The following APOL5 variants were observed in gnomAD, a reference collection of about 807,000 sequenced individuals.
APOL5 encodes the protein apolipoprotein L5.
In APOL5, 29 loss-of-function variants were observed where a neutral mutation model predicts 35.5. The ratio of observed to expected loss-of-function variants is 0.82; its 90% CI spans 0.61 to 1.11. The LOEUF is 1.11. APOL5 is among the 50% of genes most tolerant of loss of function. The pLI, the probability that APOL5 is intolerant of heterozygous loss-of-function variation, is 0.00. For missense variants in APOL5, 514 were observed against 530.4 expected, an observed-to-expected ratio of 0.97 and a Z score of 0.30; for synonymous variants, 188 against 200.2, an observed-to-expected ratio of 0.94 and a Z score of 0.51.
intron 2 of APOL5, among the ~76,000 whole-genome samples, chr22:35,722,752 A>G (rs1443421901): frequency 6.6e-6 from 1 of 152,172 alleles, no homozygotes; most frequent in African/African-American, 2.4e-5. Context: ...TGTTGTGCCT[A>G]GAGGGCACCC....
chr22:35,725,414 C>A (rs1198499482), intron 2 of APOL5, among the ~76,000 whole-genome samples: 1 of 152,074 alleles, frequency 6.6e-6, no homozygotes, highest in Non-Finnish European at 1.5e-5. Flanking sequence ...TACACCACAC[C>A]CGGCTAACTT....
chr22:35,717,766 AAG>A (rs34465122), upstream of APOL5: 22 of 434,346 alleles, frequency 5.1e-5, no homozygotes, highest in Admixed American at 1.0e-4. Context: ...AAGAAAAGAA[AAG>A]AAAAAAAAAT....
chr22:35,724,891 G>A (rs555988584), intron 2 of APOL5, among the ~76,000 whole-genome samples: 5 of 152,274 alleles, frequency 3.3e-5, no homozygotes, highest in African/African-American at 7.2e-5. Context: ...GATTACAGGC[G>A]TGAGCCACCG....
At chr22:35,724,631 C>T (rs1230557202) in intron 2 of APOL5, among the ~76,000 whole-genome samples, 1 of 151,808 alleles carries the variant, frequency 6.6e-6, no homozygotes, top group African/African-American at 2.4e-5. Flanking sequence ...TTTTTTGAGA[C>T]GGAGTTTCAC....
At chr22:35,717,235 A>AAATATATAT, upstream of APOL5, among the ~76,000 whole-genome samples, 70 of 57,660 alleles carry the variant, frequency 1.2e-3, 1 homozygote, top group Middle Eastern at 0.011. Context: ...AAAAAAAAAA[A>AAATATATAT]ATATATATAT....
At chr22:35,720,891 GCC>G (rs1926950967) in intron 2 of APOL5, among the ~76,000 whole-genome samples, 1 of 152,032 alleles carries the variant, frequency 6.6e-6, no homozygotes, top group Admixed American at 6.6e-5. Flanking sequence ...GATTACAGGC[GCC>G]CGCCACCACG....
At chr22:35,721,544 T>A (rs199806903) in intron 2 of APOL5, among the ~76,000 whole-genome samples, 3 of 148,932 alleles carry the variant, frequency 2.0e-5, no homozygotes, top group Admixed American at 6.7e-5. Flanking sequence ...GGGCTTCATT[T>A]AAAAAAAAAA....
chr22:35,712,156 C>A, the APOL5 span, among the ~76,000 whole-genome samples: 1 of 151,980 alleles, frequency 6.6e-6, no homozygotes, highest in East Asian at 1.9e-4. Context: ...CAGGCATGTG[C>A]ATCATACCTG....
intron 3 of APOL5, 150 bp from the exon 4 acceptor site, chr22:35,728,573 T>G: frequency 1.2e-6 from 1 of 859,756 alleles, no homozygotes; most frequent in Non-Finnish European, 1.7e-6. Flanking sequence ...TGCCGCCAAG[T>G]TTGGGACCCA....
intron 4 of APOL5, 62 bp downstream of exon 4, chr22:35,728,966 T>C: frequency 6.8e-7 from 1 of 1,476,488 alleles, no homozygotes; most frequent in Middle Eastern, 2.2e-4. Flanking sequence ...TAACCCCTCC[T>C]TGGGTGGGTG....
At chr22:35,711,841 A>C in the APOL5 span, among the ~76,000 whole-genome samples, 1 of 151,268 alleles carries the variant, frequency 6.6e-6, no homozygotes, top group Admixed American at 6.6e-5. Flanking sequence ...ACACCTGGTT[A>C]ATTTTTGTAT....
chr22:35,720,353 T>G (rs1658480918), intron 1 of APOL5, among the ~76,000 whole-genome samples: 1 of 152,254 alleles, frequency 6.6e-6, no homozygotes, highest in Non-Finnish European at 1.5e-5. Context: ...TATTGCATCC[T>G]AGTCAACCTT....
chr22:35,720,675 G>A (rs1288134767), intron 2 of APOL5, 21 bp downstream of exon 2: 4 of 1,538,638 alleles, frequency 2.6e-6, no homozygotes, highest in Non-Finnish European at 3.6e-6. Flanking sequence ...AGAACAGGCT[G>A]TTATGCTTAT....
At chr22:35,708,809 C>T in the APOL5 span, among the ~76,000 whole-genome samples, 1 of 152,162 alleles carries the variant, frequency 6.6e-6, no homozygotes, top group Non-Finnish European at 1.5e-5. Flanking sequence ...AAAACTGCCT[C>T]AGCTCATCTG....
chr22:35,717,807 G>T, upstream of APOL5: 1 of 1,140,354 alleles, frequency 8.8e-7, no homozygotes, highest in Non-Finnish European at 1.2e-6. Flanking sequence ...ACAGGTTTCA[G>T]GCATGGAGAA....
In APOL5 at chr22:35,726,492, A is replaced by G; in HGVS notation, c.424A>G (p.Ser142Gly). Reference sequence around the variant, plus strand: ...GCTTACCAAGACCAGCCTGGTGGCCAGCTCTTCCGGGGCTGTTTCTGGGGT... The same window carrying G: ...GCTTACCAAGACCAGCCTGGTGGCCGGCTCTTCCGGGGCTGTTTCTGGGGT... ...ELLTKTSLVA[S>G]SSGAVSGVMN... The change falls in exon 3 of 5, where the codon AGC becomes GGC. Residue 142 changes from serine (S) to glycine (G), a missense_variant. By Grantham distance (56) the Ser-to-Gly change is moderately conservative (BLOSUM62 0). Coordinates refer to ENST00000249044, the MANE Select transcript of APOL5 (RefSeq NM_030642.1). The G allele has an allele frequency of 6.2e-7, 1 of 1,614,194 alleles. No homozygotes were observed. The highest frequency in any genetic ancestry group is 8.5e-7 in the Non-Finnish European group (1 of 1,180,036).
At chr22:35,727,235 C>CT in intron 3 of APOL5, 41 bp downstream of exon 3, 1 of 1,559,226 alleles carries the variant, frequency 6.4e-7, no homozygotes, top group South Asian at 1.2e-5. Context: ...TCTTGCTCTT[C>CT]TAAAAGCTTA....
chr22:35,724,679 G>T (rs773665135), intron 2 of APOL5, among the ~76,000 whole-genome samples: 12 of 152,012 alleles, frequency 7.9e-5, no homozygotes, highest in Non-Finnish European at 1.3e-4. Flanking sequence ...CGCGATCTCG[G>T]CTCACTGCAA....
intron 2 of APOL5, among the ~76,000 whole-genome samples, chr22:35,722,623 C>A (rs1927011700): frequency 6.6e-6 from 1 of 152,104 alleles, no homozygotes; most frequent in South Asian, 2.1e-4. Context: ...CCTAACTCCA[C>A]CACTAACTCA....
Sources: allele counts gnomAD v4.1 joint callset (sites outside exome capture counted in the v4.1 genomes callset), GRCh38; gene constraint gnomAD v4.1.1; transcripts MANE v1.5; gene names NCBI Gene and HGNC (gene_info 2026-07-23, HGNC 2026-07-21).